The following SEMA5A variants were observed in gnomAD, a reference collection of about 807,000 sequenced individuals.
SEMA5A encodes semaphorin-5A.
SEMA5A carries 55 observed loss-of-function variants against 135.5 expected under a neutral mutation model. The ratio of observed to expected loss-of-function variants is 0.41; its 90% CI spans 0.33 to 0.51. SEMA5A has a LOEUF of 0.51. Ranked by LOEUF, SEMA5A falls within the 20% of genes least tolerant of loss-of-function variation. The pLI, the probability that SEMA5A is intolerant of heterozygous loss-of-function variation, is 0.37. For missense variants in SEMA5A, 1,290 were observed against 1,419.9 expected (o/e 0.91, Z 1.47); for synonymous variants, 580 against 546.5 (o/e 1.06, Z -0.85).
intron 3 of SEMA5A, among the ~76,000 whole-genome samples, chr5:9,339,566 AG>A (rs1753553683): frequency 6.6e-6 from 1 of 152,260 alleles, no homozygotes; most frequent in Non-Finnish European, 1.5e-5. Flanking sequence ...AGTAAGAACA[AG>A]TAAGTGAGTT....
chr5:9,197,017 C>T, intron 10 of SEMA5A, 151 bp downstream of exon 10: 5 of 1,099,102 alleles, frequency 4.5e-6, no homozygotes, highest in Non-Finnish European at 6.4e-6. Context: ...TTGACATTAG[C>T]CAGCAGAGTA....
At chr5:9,359,226 T>C (rs1299278181) in intron 3 of SEMA5A, among the ~76,000 whole-genome samples, 2 of 152,214 alleles carry the variant, frequency 1.3e-5, no homozygotes, top group Non-Finnish European at 2.9e-5. Flanking sequence ...TAGCCTCTGC[T>C]CTGTTCCATA....
intron 6 of SEMA5A, among the ~76,000 whole-genome samples, chr5:9,227,994 AACCCT>A: frequency 6.6e-6 from 1 of 152,164 alleles, no homozygotes; most frequent in African/African-American, 2.4e-5. Context: ...GTTCTTAGAA[AACCCT>A]GGGTATGGTC....
At chr5:9,156,167 A>G (rs1806144) in intron 11 of SEMA5A, among the ~76,000 whole-genome samples, 23,610 of 152,218 alleles carry the variant, frequency 0.16, 1,868 homozygotes, top group South Asian at 0.29. Flanking sequence ...ATTTTAGCAA[A>G]TTCACAGTTC....
chr5:9,494,615 C>T (rs77972841), intron 1 of SEMA5A, among the ~76,000 whole-genome samples: 1,909 of 144,068 alleles, frequency 0.013, 36 homozygotes, highest in African/African-American at 0.045. Flanking sequence ...CAATGCCCCC[C>T]TGAACCAAAC....
At chr5:9,127,222 G>T (rs903434965) in intron 13 of SEMA5A, among the ~76,000 whole-genome samples, 1 of 152,180 alleles carries the variant, frequency 6.6e-6, no homozygotes, top group Non-Finnish European at 1.5e-5. Context: ...ATTCTGCAAA[G>T]GCTGTTCCAG....
chr5:9,147,550 A>G (rs1337015725), intron 12 of SEMA5A, among the ~76,000 whole-genome samples: 2 of 152,032 alleles, frequency 1.3e-5, no homozygotes, highest in Non-Finnish European at 2.9e-5. Flanking sequence ...GATTATAGGA[A>G]TGAGCCACCA....
chr5:9,053,554 G>C (rs1736712383), intron 19 of SEMA5A, among the ~76,000 whole-genome samples: 1 of 152,090 alleles, frequency 6.6e-6, no homozygotes, highest in South Asian at 2.1e-4. Flanking sequence ...AGTCATTCCT[G>C]GAACACAGGT....
chr5:9,095,257 G>A (rs148758360), intron 16 of SEMA5A, among the ~76,000 whole-genome samples: 2 of 152,068 alleles, frequency 1.3e-5, no homozygotes, highest in Admixed American at 1.3e-4. Flanking sequence ...TGGGGGTCTG[G>A]GGCTGGGAAG....
At chr5:9,486,260 G>A (rs1000313606) in intron 1 of SEMA5A, among the ~76,000 whole-genome samples, 1 of 152,138 alleles carries the variant, frequency 6.6e-6, no homozygotes, top group Non-Finnish European at 1.5e-5. Flanking sequence ...AACACACACA[G>A]GCACCTGTTG....
chr5:9,411,340 T>C (rs1251922434), intron 2 of SEMA5A, among the ~76,000 whole-genome samples: 1 of 152,206 alleles, frequency 6.6e-6, no homozygotes, highest in East Asian at 1.9e-4. Flanking sequence ...ATCTGCACAG[T>C]GGGTGCCCTC....
At chr5:9,190,676 G>C (rs1745060065) in intron 10 of SEMA5A, among the ~76,000 whole-genome samples, 1 of 151,978 alleles carries the variant, frequency 6.6e-6, no homozygotes, top group African/African-American at 2.4e-5. Context: ...CATATCTTGG[G>C]AGTCTCCCAA....
intron 16 of SEMA5A, among the ~76,000 whole-genome samples, chr5:9,080,731 C>A (rs919802041): frequency 6.6e-6 from 1 of 152,056 alleles, no homozygotes; most frequent in South Asian, 2.1e-4. Flanking sequence ...GGTGAACAGT[C>A]CTGCTTAGAG....
intron 15 of SEMA5A, among the ~76,000 whole-genome samples, chr5:9,109,199 C>G (rs1378325705): frequency 2.0e-5 from 3 of 151,156 alleles, no homozygotes; most frequent in Admixed American, 6.6e-5. Flanking sequence ...CGCCACTACG[C>G]CCGGCTAATT....
intron 16 of SEMA5A, among the ~76,000 whole-genome samples, chr5:9,103,635 G>A (rs1354878116): frequency 6.6e-6 from 1 of 152,156 alleles, no homozygotes; most frequent in African/African-American, 2.4e-5. Flanking sequence ...ATATAGTGCT[G>A]CCAAATACTA....
At position 9,154,597 on chromosome 5, in the gene SEMA5A, G is replaced by T; in HGVS notation, c.1372C>A (p.Pro458Thr). 6.2e-7 allele frequency: 1 copy of T among 1,613,908 alleles called. No individual in the cohort carries two copies. The highest frequency in any genetic ancestry group is 8.5e-7 in the Non-Finnish European group (1 of 1,180,010). ...TGCAGGATCTGCAGGCTCCTGATGG[G>T]CTCCCTCCGCCTCTCAGGGAAGAGC... ...IELFPERRRE[P>T]IRSLQILHSQ... Residue 458 changes from proline (P) to threonine (T), a missense_variant, in exon 12 of 23, where the codon CCC (proline) becomes ACC (threonine). Physicochemically the swap from Pro to Thr is conservative, Grantham distance 38. This residue lies in a region of SEMA5A where 1,029 missense variants were observed against 1,086.6 expected (regional missense o/e 0.95). Coordinates refer to ENST00000382496, the MANE Select transcript of SEMA5A (RefSeq NM_003966.3).
At chr5:9,251,882 G>C (rs1371459900) in intron 5 of SEMA5A, among the ~76,000 whole-genome samples, 2 of 152,054 alleles carry the variant, frequency 1.3e-5, no homozygotes, top group Non-Finnish European at 2.9e-5. Flanking sequence ...AACAATCTAG[G>C]GTATAGGTAC....
intron 1 of SEMA5A, among the ~76,000 whole-genome samples, chr5:9,475,327 A>C (rs1759628841): frequency 6.6e-6 from 1 of 152,096 alleles, no homozygotes; most frequent in Non-Finnish European, 1.5e-5. Context: ...CCCTCATCTC[A>C]AGTTTAATTA....
chr5:9,538,525 G>T (rs911681901), intron 1 of SEMA5A, among the ~76,000 whole-genome samples: 3 of 152,174 alleles, frequency 2.0e-5, no homozygotes, highest in African/African-American at 7.2e-5. Context: ...GCTCTAATGA[G>T]ACCACAAGAT....
Sources: allele counts gnomAD v4.1 joint callset (sites outside exome capture counted in the v4.1 genomes callset), GRCh38; gene constraint gnomAD v4.1.1; regional missense constraint gnomAD v4.1.1; transcripts MANE v1.5; gene names NCBI Gene and HGNC (gene_info 2026-07-23, HGNC 2026-07-21).